The following MEIS2 variants were observed in gnomAD, a reference collection of about 807,000 sequenced individuals.
MEIS2 encodes Meis homeobox 2.
Under a neutral mutation model 58.6 loss-of-function variants are expected in MEIS2, and 9 were observed. The observed-to-expected ratio is 0.15, with a 90% CI of 0.09 to 0.27. The LOEUF (loss-of-function observed/expected upper bound fraction) is 0.27, where lower values mean the gene tolerates loss of function less well. Ranked by LOEUF, MEIS2 falls within the 10% of genes least tolerant of loss-of-function variation. MEIS2 has a pLI of 1.00. For synonymous variants in MEIS2, 221 were observed against 228.4 expected (o/e 0.97, Z 0.29); for missense variants, 427 against 635.0 (o/e 0.67, Z 3.52).
intron 7 of MEIS2, among the ~76,000 whole-genome samples, chr15:37,037,613 T>C (rs71468836): frequency 6.6e-6 from 1 of 152,262 alleles, no homozygotes; most frequent in African/African-American, 2.4e-5. Context: ...TTCTCTTCTG[T>C]GCTTTTCTCT....
Position 37,099,601 on chromosome 15 carries a change from T to G in MEIS2, c.-135A>C. The G allele has an allele frequency of 7.7e-7, 1 of 1,291,372 alleles. No individual in the cohort carries two copies. The highest frequency in any genetic ancestry group is 2.5e-5 in the East Asian group (1 of 39,950). 80.0% of individuals were successfully genotyped at this position (1,291,372 alleles called of 1,614,324 possible). A position where few individuals can be genotyped will look rare whatever the true frequency, so the allele number is the denominator to read the frequency against. The stretch of plus-strand genomic sequence containing the variant: ...GACTTCTCCCAATTCTCCAATATGC[T>G]ATTTTTTAGGGGGGAAAAAAAGCCC... On this transcript the variant is annotated 5_prime_UTR_variant, in exon 1 of 12. Coordinates refer to ENST00000561208, the MANE Select transcript of MEIS2 (RefSeq NM_170675.5).
rs1382882199 is a variant in MEIS2 at position 37,099,609 on chromosome 15, A to AG, written c.-144dup. 16 of 1,231,370 alleles carry AG rather than the reference A, an allele frequency of 1.3e-5. No individual in the cohort carries two copies. The East Asian group carries it at 1.8e-4, about 14-fold the overall frequency. 76.3% of individuals were successfully genotyped at this position (1,231,370 alleles called of 1,614,324 possible). ...CCAATTCTCCAATATGCTATTTTTT[A>AG]GGGGGGAAAAAAAGCCCAGTCTAGA... On this transcript the variant is annotated 5_prime_UTR_variant, in exon 1 of 12. Transcript: ENST00000561208.
Position 37,096,271 on chromosome 15 carries a change from G to A in MEIS2, c.387+18C>T. On this transcript the variant is annotated intron_variant, in intron 3 of 11. Transcript: ENST00000561208. ...AGTGAGGGACTGCCCGAAGTTGAGT[G>A]GATCAAGAAGGCTGGACCTGCTTGG... is the stretch of plus-strand genomic sequence containing the variant. The A allele has an allele frequency of 1.3e-6, 2 of 1,582,798 alleles. No homozygotes were observed. Among genetic ancestry groups the A allele is most frequent in the Non-Finnish European group, 1.7e-6 (2 of 1,161,418 alleles).
chr15:36,938,950 CTG>C (rs1338343010), intron 9 of MEIS2, among the ~76,000 whole-genome samples: 10 of 152,192 alleles, frequency 6.6e-5, no homozygotes, highest in Non-Finnish European at 1.3e-4. Context: ...GCTGTCCCCG[CTG>C]CAGCTCTGTG....
At chr15:36,958,164 T>G (rs983102876) in intron 8 of MEIS2, among the ~76,000 whole-genome samples, 8 of 152,092 alleles carry the variant, frequency 5.3e-5, no homozygotes, top group Non-Finnish European at 7.4e-5. Flanking sequence ...AATTGTCAGA[T>G]CCTAAGAAAT....
intron 7 of MEIS2, among the ~76,000 whole-genome samples, chr15:37,069,545 A>T (rs891512230): frequency 1.3e-5 from 2 of 152,264 alleles, no homozygotes; most frequent in East Asian, 3.9e-4. Context: ...TCCTTCCCAC[A>T]GCCAAAAGGG....
At chr15:37,014,270 C>A (rs6495887) in intron 8 of MEIS2, among the ~76,000 whole-genome samples, 146,680 of 152,264 alleles carry the variant, frequency 0.96, 70,905 homozygotes, top group Middle Eastern at 1. Flanking sequence ...AAACAAGGGT[C>A]GATTATCTCC....
At chr15:36,936,609 T>C (rs1254417464) in intron 9 of MEIS2, among the ~76,000 whole-genome samples, 1 of 152,248 alleles carries the variant, frequency 6.6e-6, no homozygotes, top group East Asian at 1.9e-4. Flanking sequence ...TTATAAAATG[T>C]AGTTCTACTG....
chr15:36,898,337 C>A (rs1405350476), intron 9 of MEIS2: 2 of 152,240 alleles, frequency 1.3e-5, no homozygotes. Flanking sequence ...GATATTTCCA[C>A]CCCAGGAACC....
chr15:36,986,090 T>C (rs1489127445), intron 8 of MEIS2, among the ~76,000 whole-genome samples: 2 of 152,216 alleles, frequency 1.3e-5, no homozygotes, highest in Admixed American at 6.5e-5. Context: ...AGATCAATTT[T>C]GATATGGTTC....
chr15:37,101,163 A>C (rs1304206673), upstream of MEIS2: 1 of 152,086 alleles, frequency 6.6e-6, no homozygotes, highest in Non-Finnish European at 1.5e-5. Context: ...TTCCAGGACC[A>C]GAAGAGACCA....
chr15:36,940,622 T>C (rs2058341537), intron 9 of MEIS2, among the ~76,000 whole-genome samples: 1 of 152,158 alleles, frequency 6.6e-6, no homozygotes, highest in Non-Finnish European at 1.5e-5. Flanking sequence ...CATAACTCGG[T>C]TGACTAAATG....
At chr15:36,997,773 G>A (rs1179155906) in intron 8 of MEIS2, among the ~76,000 whole-genome samples, 1 of 152,192 alleles carries the variant, frequency 6.6e-6, no homozygotes, top group Non-Finnish European at 1.5e-5. Flanking sequence ...GAGCCACCGT[G>A]CCCGGCCTTG....
At chr15:36,903,402 A>T (rs545656008) in intron 9 of MEIS2, among the ~76,000 whole-genome samples, 1 of 152,324 alleles carries the variant, frequency 6.6e-6, no homozygotes, top group African/African-American at 2.4e-5. Flanking sequence ...AATAGACATA[A>T]GTTGTAGTAT....
At chr15:37,055,824 T>C (rs1888324383) in intron 7 of MEIS2, among the ~76,000 whole-genome samples, 1 of 152,214 alleles carries the variant, frequency 6.6e-6, no homozygotes, top group Non-Finnish European at 1.5e-5. Flanking sequence ...AATAAAGTAA[T>C]TGGTCCCAGT....
At position 37,083,747 on chromosome 15, in the gene MEIS2, C is replaced by T. The variant is rs780338380; in HGVS notation, c.754+24G>A. ...TTATTTTAGTCATGCCTACTTTGCA[C>T]GAGGAAAATGTTTGACCTTTTACCT... is the stretch of plus-strand genomic sequence containing the variant. On this transcript the variant is annotated intron_variant, in intron 7 of 11. Coordinates refer to ENST00000561208, the MANE Select transcript of MEIS2 (RefSeq NM_170675.5). 2.9e-5 allele frequency: 46 copies of T among 1,596,138 alleles called. No individual in the cohort carries two copies. The Middle Eastern group carries it at 5.0e-4, about 17-fold the overall frequency.
intron 7 of MEIS2, among the ~76,000 whole-genome samples, chr15:37,079,019 A>C (rs1891837790): frequency 6.6e-6 from 1 of 152,200 alleles, no homozygotes; most frequent in Non-Finnish European, 1.5e-5. Flanking sequence ...AGAAGAATTT[A>C]ATTTTACTTC....
At chr15:36,974,169 GA>G (rs1490090706) in intron 8 of MEIS2, among the ~76,000 whole-genome samples, 1 of 152,104 alleles carries the variant, frequency 6.6e-6, no homozygotes, top group Non-Finnish European at 1.5e-5. Context: ...CATTATTTCA[GA>G]ACATTCTATA....
At chr15:36,932,135 A>T (rs1307406748) in intron 9 of MEIS2, among the ~76,000 whole-genome samples, 1 of 152,134 alleles carries the variant, frequency 6.6e-6, no homozygotes, top group Non-Finnish European at 1.5e-5. Context: ...TTTAGAGGAG[A>T]ATAATTATAA....
Sources: allele counts gnomAD v4.1 joint callset (sites outside exome capture counted in the v4.1 genomes callset), GRCh38; gene constraint gnomAD v4.1.1; transcripts MANE v1.5; gene names NCBI Gene and HGNC (gene_info 2026-07-23, HGNC 2026-07-21).